Variants in THADA observed in about 807,000 individuals in gnomAD.
The protein encoded by THADA is tRNA (32-2'-O)-methyltransferase regulator THADA.
Under a neutral mutation model 219.8 loss-of-function variants are expected in THADA, and 213 were observed. That is an observed-to-expected ratio of 0.97 (90% CI 0.87 to 1.09). The LOEUF (loss-of-function observed/expected upper bound fraction) is 1.09. THADA is among the 50% of genes least tolerant of loss of function. The pLI is 0.00. For synonymous variants in THADA, 1,018 were observed against 828.9 expected (o/e 1.23, Z -3.92); for missense variants, 2,956 against 2,311.3 (o/e 1.28, Z -5.72).
rs751665423 is a variant in THADA, at chr2:43,268,995, T to TG, written c.5296+10769dup. 6.6e-5 allele frequency among the ~76,000 whole-genome samples: 10 copies of TG among 152,280 alleles called. No homozygotes were observed. The South Asian group carries it at 2.1e-3, about 32-fold the overall frequency. On this transcript the variant is annotated intron_variant, in intron 36 of 37. Coordinates refer to ENST00000405975, the MANE Select transcript of THADA (RefSeq NM_022065.5). ...GAGTAGTGACCCTAACACCTGAAAC[T>TG]GGCTTAGGTTCAAAAAGGAAGCCTG...
At chr2:43,401,674 A>G (rs891968910) in intron 28 of THADA, among the ~76,000 whole-genome samples, 7 of 152,218 alleles carry the variant, frequency 4.6e-5, no homozygotes, top group African/African-American at 7.2e-5. Flanking sequence ...TCTCTTTACT[A>G]TGCAACATTC....
At chr2:43,469,046 A>T (rs1361590371) in intron 26 of THADA, among the ~76,000 whole-genome samples, 1 of 152,200 alleles carries the variant, frequency 6.6e-6, no homozygotes, top group Non-Finnish European at 1.5e-5. Context: ...ACAAGGGAGT[A>T]TGAGCCCCGG....
intron 26 of THADA, among the ~76,000 whole-genome samples, chr2:43,481,799 C>CA (rs1686263757): frequency 6.6e-6 from 1 of 152,140 alleles, no homozygotes; most frequent in African/African-American, 2.4e-5. Context: ...GGAGAGTGTG[C>CA]AAAAGCTAGA....
Position 43,230,955 on chromosome 2 carries a change from G to GC in THADA, c.5854dup (p.Ala1952GlyfsTer?). On this transcript the variant is annotated frameshift_variant, in exon 38 of 38. Transcript: ENST00000405975. LOFTEE classifies it high-confidence loss of function. ...CAATCCCCCAGATTTTCTTCAACAT[G>GC]CCGCTTCTGTTCTTGGAAGAGTTAA... The GC allele has an allele frequency of 6.2e-7, 1 of 1,603,132 alleles. No individual in the cohort carries two copies. Among genetic ancestry groups the GC allele is most frequent in the Non-Finnish European group, 8.5e-7 (1 of 1,171,668 alleles).
At chr2:43,375,019 T>C (rs1258172316) in intron 29 of THADA, among the ~76,000 whole-genome samples, 1 of 152,056 alleles carries the variant, frequency 6.6e-6, no homozygotes, top group Admixed American at 6.6e-5. Context: ...GTAAGATTTA[T>C]TTTCTAATAA....
chr2:43,548,344 G>A (rs1246778334), intron 20 of THADA, among the ~76,000 whole-genome samples: 1 of 152,230 alleles, frequency 6.6e-6, no homozygotes, highest in Non-Finnish European at 1.5e-5. Context: ...GAGGCAGTCT[G>A]CCCGTTCTCA....
At chr2:43,519,089 A>G (rs1247424198) in intron 22 of THADA, among the ~76,000 whole-genome samples, 1 of 152,030 alleles carries the variant, frequency 6.6e-6, no homozygotes, top group Non-Finnish European at 1.5e-5. Context: ...CACCTAGGAT[A>G]GACAGTTCAG....
chr2:43,356,285 G>A (rs1293772486), intron 29 of THADA, among the ~76,000 whole-genome samples: 8 of 151,928 alleles, frequency 5.3e-5, no homozygotes, highest in Non-Finnish European at 7.4e-5. Context: ...AATTCCAGAC[G>A]GAGAAAAGAA....
chr2:43,350,498 C>T (rs1320774586), intron 29 of THADA, among the ~76,000 whole-genome samples: 1 of 152,220 alleles, frequency 6.6e-6, no homozygotes, highest in African/African-American at 2.4e-5. Context: ...TTAACTGAAC[C>T]CCAACTAGGC....
intron 4 of THADA, among the ~76,000 whole-genome samples, chr2:43,587,536 T>C (rs527846079): frequency 2.6e-4 from 40 of 152,294 alleles, no homozygotes; most frequent in Admixed American, 7.2e-4. Flanking sequence ...CCATCCAAAA[T>C]ACTCTTCCTT....
chr2:43,577,365 G>C (rs1295159851), intron 9 of THADA, 123 bp from the exon 10 acceptor site: 3 of 736,696 alleles, frequency 4.1e-6, no homozygotes, highest in Non-Finnish European at 6.6e-6. Flanking sequence ...TAAATCCAAA[G>C]ATAAAATACC....
chr2:43,582,828 C>G (rs1409329014), intron 7 of THADA, among the ~76,000 whole-genome samples: 1 of 152,168 alleles, frequency 6.6e-6, no homozygotes. Context: ...CTCGCCCTCC[C>G]AAAGTGCTGA....
chr2:43,328,296 T>C (rs569557205), intron 30 of THADA, among the ~76,000 whole-genome samples: 1 of 152,336 alleles, frequency 6.6e-6, no homozygotes, highest in African/African-American at 2.4e-5. Context: ...TGGCAGAAGC[T>C]TGTAGGGCCT....
In THADA at chr2:43,232,861, T is replaced by G; in HGVS notation, c.5318A>C (p.Asp1773Ala). The G allele has an allele frequency of 6.2e-7, 1 of 1,610,864 alleles. No individual in the cohort carries two copies. The highest frequency in any genetic ancestry group is 8.5e-7 in the Non-Finnish European group (1 of 1,178,826). ...QSTEFAFCQV[D>A]ASIALALALA... ...GGCCAGGGCCAGAGCGATGGAGGCA[T>G]CCACCTGGCAGAAGGCAAACTCTGC... The change falls in exon 37 of 38, where the codon GAT (aspartate) becomes GCT (alanine). Residue 1773 changes from aspartate (D) to alanine (A), a missense_variant. Physicochemically the swap from Asp to Ala is moderately radical, Grantham distance 126. Coordinates refer to ENST00000405975, the MANE Select transcript of THADA (RefSeq NM_022065.5).
intron 23 of THADA, among the ~76,000 whole-genome samples, chr2:43,507,761 G>A (rs943556200): frequency 2.0e-5 from 3 of 152,114 alleles, no homozygotes; most frequent in Non-Finnish European, 4.4e-5. Flanking sequence ...ATTAACCAAA[G>A]GTCTTTCAGG....
intron 8 of THADA, among the ~76,000 whole-genome samples, chr2:43,579,567 T>A (rs1700198704): frequency 6.6e-6 from 1 of 152,232 alleles, no homozygotes; most frequent in Admixed American, 6.5e-5. Context: ...ACTGTGACTT[T>A]GATTGGGGAA....
intron 29 of THADA, among the ~76,000 whole-genome samples, chr2:43,388,356 T>C (rs970300526): frequency 1.3e-5 from 2 of 152,124 alleles, no homozygotes; most frequent in African/African-American, 4.8e-5. Context: ...TCGTCAGTCA[T>C]ATGAAGTCTC....
At chr2:43,347,776 G>T (rs1029998714) in intron 29 of THADA, among the ~76,000 whole-genome samples, 2 of 152,170 alleles carry the variant, frequency 1.3e-5, no homozygotes, top group African/African-American at 4.8e-5. Context: ...GACAACAAGT[G>T]GTCCTGTGTG....
intron 30 of THADA, among the ~76,000 whole-genome samples, chr2:43,338,813 T>C (rs75627427): frequency 1.3e-5 from 2 of 152,330 alleles, no homozygotes; most frequent in African/African-American, 2.4e-5. Flanking sequence ...TGCATAATGC[T>C]GCTATGGAAA....
Sources: allele counts gnomAD v4.1 joint callset (sites outside exome capture counted in the v4.1 genomes callset), GRCh38; gene constraint gnomAD v4.1.1; transcripts MANE v1.5; gene names NCBI Gene and HGNC (gene_info 2026-07-23, HGNC 2026-07-21).